Variants in USP14 observed in about 807,000 individuals in gnomAD.
The protein encoded by USP14 is ubiquitin carboxyl-terminal hydrolase 14.
A neutral mutation model predicts 76.5 loss-of-function variants in USP14; 38 were observed. The observed-to-expected ratio is 0.50, with a 90% confidence interval of 0.38 to 0.65. USP14 has a LOEUF of 0.65. Ranked by LOEUF, USP14 falls within the 30% of genes least tolerant of loss-of-function variation. USP14 has a pLI of 0.00. For missense variants in USP14, 467 were observed against 586.5 expected, an observed-to-expected ratio of 0.80 and a Z score of 2.10; for synonymous variants, 192 against 191.7, an observed-to-expected ratio of 1.00 and a Z score of -0.01.
intron 3 of USP14, among the ~76,000 whole-genome samples, chr18:171,978 C>G (rs926989189): frequency 6.6e-6 from 1 of 152,146 alleles, no homozygotes; most frequent in African/African-American, 2.4e-5. Flanking sequence ...TGGTGGCTCA[C>G]TCCTATAATC....
intron 6 of USP14, among the ~76,000 whole-genome samples, chr18:195,711 G>A (rs545224931): frequency 2.8e-4 from 42 of 152,322 alleles, no homozygotes; most frequent in African/African-American, 1.0e-3. Flanking sequence ...GAGTTGAGTA[G>A]ATGAGAACCA....
chr18:196,658 C>G lies in USP14; in HGVS notation c.485C>G (p.Ser162Cys), dbSNP rs1264226977. 3 of 1,613,488 alleles carry G rather than the reference C, an allele frequency of 1.9e-6. No homozygotes were observed. The highest frequency in any genetic ancestry group is 2.5e-6 in the Non-Finnish European group (3 of 1,179,720). Residue 162 changes from serine (S) to cysteine (C), a missense_variant, in exon 7 of 16, where the codon TCC (serine) becomes TGC (cysteine). Physicochemically the swap from Ser to Cys is moderately radical, Grantham distance 112. Coordinates refer to ENST00000261601, the MANE Select transcript of USP14 (RefSeq NM_005151.4). ...ITAALRDLFD[S>C]MDKTSSSIPP... ...TAAGCCCTTAGAGATTTGTTTGATT[C>G]CATGGATAAAACTTCTTCCAGTATT...
intron 5 of USP14, among the ~76,000 whole-genome samples, chr18:188,178 C>G (rs1299503092): frequency 6.6e-6 from 1 of 150,924 alleles, no homozygotes; most frequent in Non-Finnish European, 1.5e-5. Flanking sequence ...CTTTTTTTCT[C>G]CTTGTCTTCT....
At chr18:198,207 T>G in intron 9 of USP14, 75 bp downstream of exon 9, 1 of 1,293,198 alleles carries the variant, frequency 7.7e-7, no homozygotes. Flanking sequence ...ATTGGCTGAT[T>G]GATTGGTGGT....
At position 173,263 on chromosome 18, in the gene USP14, A is replaced by G. The variant is rs182376790; in HGVS notation, c.196-5670A>G. 3.5e-3 allele frequency among the ~76,000 whole-genome samples: 528 copies of G among 151,668 alleles called. 2 individuals carry two copies. The highest frequency in any genetic ancestry group is 5.0e-3 in the Non-Finnish European group (343 of 67,966). ...GCTGGGACTACAGGTGCCTGCCACC[A>G]CACCCGGCTATTTTTTTTGTATTTT... is the stretch of plus-strand genomic sequence containing the variant. On this transcript the variant is annotated intron_variant, in intron 3 of 15. Transcript: ENST00000261601.
intron 14 of USP14, 68 bp downstream of exon 14, chr18:210,099 AC>A: frequency 7.9e-7 from 1 of 1,260,986 alleles, no homozygotes; most frequent in South Asian, 1.4e-5. Context: ...TTTACATCTT[AC>A]CCCATATTTA....
chr18:196,542 G>T, intron 6 of USP14, 95 bp from the exon 7 acceptor site: 2 of 1,382,788 alleles, frequency 1.4e-6, no homozygotes, highest in Non-Finnish European at 1.9e-6. Context: ...AAAAAATTAA[G>T]TAAGTTTTTG....
intron 1 of USP14, 151 bp from the exon 2 acceptor site, chr18:163,157 C>T (rs1216475593): frequency 1.6e-5 from 10 of 609,766 alleles, no homozygotes. Flanking sequence ...CTACTGCATG[C>T]ATGCTCCTCT....
chr18:169,791 C>T (rs376508639), intron 3 of USP14, among the ~76,000 whole-genome samples: 1 of 152,162 alleles, frequency 6.6e-6, no homozygotes, highest in African/African-American at 2.4e-5. Flanking sequence ...GTGATTCTTG[C>T]AATATTTGAA....
intron 6 of USP14, among the ~76,000 whole-genome samples, chr18:194,308 A>C (rs1043149265): frequency 2.0e-5 from 3 of 152,228 alleles, no homozygotes; most frequent in African/African-American, 7.2e-5. Flanking sequence ...TTCATTTGAC[A>C]GCTCATGTAT....
chr18:158,711 T>G lies in USP14; in HGVS notation c.13T>G (p.Ser5Ala). 6.5e-7 allele frequency: 1 copy of G among 1,535,182 alleles called. No homozygotes were observed. Among genetic ancestry groups the G allele is most frequent in the East Asian group, 2.6e-5 (1 of 38,472 alleles). ...GCCGCGCCCCGCCATGCCGCTCTAC[T>G]CCGGTGAGCCCTGTCCTGGCCTCGC... MPLY[S>A]VTVKWGKEKF... The change falls in exon 1 of 16, where the codon TCC becomes GCC. Residue 5 changes from serine to alanine, a missense_variant. Coordinates refer to ENST00000261601, the MANE Select transcript of USP14 (RefSeq NM_005151.4).
chr18:180,248 T>C lies in USP14; in HGVS notation c.313T>C (p.Cys105Arg), dbSNP rs1472749014. 1.3e-6 allele frequency: 2 copies of C among 1,539,402 alleles called. No individual in the cohort carries two copies. The highest frequency in any genetic ancestry group is 1.4e-5 in the African/African-American group (1 of 70,296). Residue 105 changes from cysteine to arginine, a missense_variant, in exon 5 of 16, where the codon TGT becomes CGT. Cys to Arg is a radical substitution (Grantham distance 180, BLOSUM62 -3). Transcript: ENST00000261601. ...EQLASAMELPCGLTNLGNTCY... is the reference protein window; with the variant it reads ...EQLASAMELPRGLTNLGNTCY... ...TTTTTCCAACTAGATGGAGTTACCA[T>C]GTGGATTGACAAACCTTGGTAACAC...
chr18:180,061 C>CT, intron 4 of USP14, among the ~76,000 whole-genome samples, 175 bp from the exon 5 acceptor site: 1 of 149,638 alleles, frequency 6.7e-6, no homozygotes. Flanking sequence ...TCCAAGTAAA[C>CT]TTTTTTTTGG....
At chr18:193,929 T>G (rs1299436455) in intron 6 of USP14, among the ~76,000 whole-genome samples, 1 of 152,212 alleles carries the variant, frequency 6.6e-6, no homozygotes, top group African/African-American at 2.4e-5. Flanking sequence ...TGCTTTCATT[T>G]CTCTTTGGTA....
intron 6 of USP14, among the ~76,000 whole-genome samples, chr18:193,419 ACTCT>A (rs1037370715): frequency 1.8e-4 from 27 of 151,482 alleles, no homozygotes; most frequent in Non-Finnish European, 3.2e-4. Context: ...CTTTTTTTTT[ACTCT>A]CTCTCTAACA....
At chr18:195,666 G>A (rs541165808) in intron 6 of USP14, among the ~76,000 whole-genome samples, 1 of 152,286 alleles carries the variant, frequency 6.6e-6, no homozygotes, top group African/African-American at 2.4e-5. Flanking sequence ...GTCCAGTAGA[G>A]TCAGCTGTTT....
chr18:165,043 G>C (rs1909229943), intron 2 of USP14, among the ~76,000 whole-genome samples: 1 of 152,036 alleles, frequency 6.6e-6, no homozygotes, highest in Admixed American at 6.6e-5. Flanking sequence ...CCGCCTCCCG[G>C]GCTCAAGTGA....
chr18:202,744 G>A (rs1910416284), intron 10 of USP14, 136 bp from the exon 11 acceptor site: 1 of 708,906 alleles, frequency 1.4e-6, no homozygotes, highest in African/African-American at 1.8e-5. Context: ...GTGTCTCAGT[G>A]GTATAAACCC....
chr18:207,654 G>C (rs1910564789), intron 13 of USP14, among the ~76,000 whole-genome samples: 1 of 151,284 alleles, frequency 6.6e-6, no homozygotes, highest in African/African-American at 2.4e-5. Context: ...ACTCCAGTCT[G>C]AGTGACTGAG....
Sources: allele counts gnomAD v4.1 joint callset (sites outside exome capture counted in the v4.1 genomes callset), GRCh38; gene constraint gnomAD v4.1.1; transcripts MANE v1.5; gene names NCBI Gene and HGNC (gene_info 2026-07-23, HGNC 2026-07-21).